Variants in GPR176 observed in about 807,000 individuals in gnomAD.
GPR176 encodes the protein G-protein coupled receptor 176.
In GPR176, 26 loss-of-function variants were observed where a neutral mutation model predicts 35.4. The ratio of observed to expected loss-of-function variants is 0.74; its 90% CI spans 0.54 to 1.02. GPR176 has a LOEUF of 1.02. GPR176 is among the 50% of genes least tolerant of loss of function. GPR176 has a pLI of 0.00. For synonymous variants in GPR176, 278 were observed against 271.3 expected (o/e 1.02, Z -0.24); for missense variants, 597 against 665.3 (o/e 0.90, Z 1.13).
intron 1 of GPR176, among the ~76,000 whole-genome samples, chr15:39,914,043 C>A (rs916359120): frequency 1.3e-5 from 2 of 152,070 alleles, no homozygotes; most frequent in African/African-American, 4.8e-5. Context: ...GAGACTCAGT[C>A]TCAAAAAACA....
chr15:39,879,774 A>G (rs1034236416), intron 1 of GPR176, among the ~76,000 whole-genome samples: 2 of 152,116 alleles, frequency 1.3e-5, no homozygotes, highest in Admixed American at 1.3e-4. Context: ...CTATTTGTAC[A>G]TCTAACACAC....
intron 1 of GPR176, among the ~76,000 whole-genome samples, chr15:39,841,509 T>C (rs936554778): frequency 6.6e-6 from 1 of 152,020 alleles, no homozygotes. Context: ...ACAGGGAAGA[T>C]GACAGGAAGA....
chr15:39,821,730 C>T (rs1347739709), intron 1 of GPR176, among the ~76,000 whole-genome samples: 1 of 152,192 alleles, frequency 6.6e-6, no homozygotes, highest in Non-Finnish European at 1.5e-5. Context: ...GTTATCTACA[C>T]CTTCCTTGTT....
At chr15:39,881,274 A>G (rs866645764) in intron 1 of GPR176, among the ~76,000 whole-genome samples, 1 of 152,228 alleles carries the variant, frequency 6.6e-6, no homozygotes, top group Non-Finnish European at 1.5e-5. Context: ...AGTCATCTTT[A>G]TATCTCCAGC....
At chr15:39,876,525 A>G (rs910619575) in intron 1 of GPR176, among the ~76,000 whole-genome samples, 1 of 151,966 alleles carries the variant, frequency 6.6e-6, no homozygotes, top group Non-Finnish European at 1.5e-5. Context: ...ATATAATGTT[A>G]ATGATGTTGA....
chr15:39,823,621 T>C (rs1166659439), intron 1 of GPR176, among the ~76,000 whole-genome samples: 1 of 152,076 alleles, frequency 6.6e-6, no homozygotes, highest in Non-Finnish European at 1.5e-5. Flanking sequence ...TAACACATTC[T>C]CCACACCACA....
At chr15:39,811,327 C>A (rs1357493848) in intron 1 of GPR176, among the ~76,000 whole-genome samples, 3 of 152,104 alleles carry the variant, frequency 2.0e-5, no homozygotes, top group Admixed American at 1.3e-4. Flanking sequence ...CTCTACCCAG[C>A]TAGAACATTT....
At chr15:39,869,355 A>C (rs565330545) in intron 1 of GPR176, among the ~76,000 whole-genome samples, 1 of 152,222 alleles carries the variant, frequency 6.6e-6, no homozygotes, top group African/African-American at 2.4e-5. Context: ...GGAGTCCCAG[A>C]CACAGCAGTT....
At chr15:39,832,469 T>G (rs1247371098) in intron 1 of GPR176, among the ~76,000 whole-genome samples, 1 of 152,104 alleles carries the variant, frequency 6.6e-6, no homozygotes, top group Non-Finnish European at 1.5e-5. Flanking sequence ...CTCCAAAGGC[T>G]ATAATCAAGG....
chr15:39,818,617 T>A (rs1257723103), intron 1 of GPR176, among the ~76,000 whole-genome samples: 1 of 152,200 alleles, frequency 6.6e-6, no homozygotes, highest in East Asian at 1.9e-4. Context: ...AATGCGCATA[T>A]CTTTTAGCAA....
At chr15:39,822,775 T>C (rs543065296) in intron 1 of GPR176, among the ~76,000 whole-genome samples, 21 of 152,288 alleles carry the variant, frequency 1.4e-4, no homozygotes, top group African/African-American at 5.1e-4. Context: ...TTTCCATCAG[T>C]AAAATTAATG....
intron 1 of GPR176, among the ~76,000 whole-genome samples, chr15:39,868,283 T>C (rs892862551): frequency 6.6e-6 from 1 of 152,098 alleles, no homozygotes; most frequent in Non-Finnish European, 1.5e-5. Flanking sequence ...TGACTGATGG[T>C]CAGGAGCAAT....
Position 39,801,173 on chromosome 15 carries a change from T to C in GPR176, c.1507A>G (p.Arg503Gly), listed in dbSNP as rs1419222148. ...GGAAAAATGCTCACTTTATTGTTTCTGCTCATCTTCCGCTCCACCCTGCCT... is the reference window on the plus strand; with the variant it reads ...GGAAAAATGCTCACTTTATTGTTTCCGCTCATCTTCCGCTCCACCCTGCCT... ...KVGRVERKMS[R>G]NNKVSIFPKV... is the part of the protein sequence containing the mutation. Residue 503 changes from arginine to glycine, a missense_variant, in exon 3 of 3, where the codon AGA becomes GGA. Coordinates refer to ENST00000561100, the MANE Select transcript of GPR176 (RefSeq NM_007223.3). The C allele has an allele frequency of 6.2e-7, 1 of 1,612,332 alleles. No individual in the cohort carries two copies. Among genetic ancestry groups the C allele is most frequent in the Admixed American group, 1.7e-5 (1 of 59,790 alleles).
intron 1 of GPR176, among the ~76,000 whole-genome samples, chr15:39,845,474 C>T (rs569943536): frequency 4.4e-4 from 66 of 151,456 alleles, no homozygotes; most frequent in Non-Finnish European, 7.5e-4. Context: ...TACTAGATAA[C>T]CTTAAGTGGC....
chr15:39,899,315 C>A (rs776489822), intron 1 of GPR176, among the ~76,000 whole-genome samples: 4 of 152,218 alleles, frequency 2.6e-5, no homozygotes, highest in African/African-American at 4.8e-5. Context: ...AAGGGAATCA[C>A]TATCCCTCCC....
chr15:39,805,938 A>C (rs535550635), intron 2 of GPR176, among the ~76,000 whole-genome samples: 1 of 152,320 alleles, frequency 6.6e-6, no homozygotes, highest in South Asian at 2.1e-4. Flanking sequence ...TCCAACATCC[A>C]TTCTCTTAAC....
At position 39,880,570 on chromosome 15, in the gene GPR176, T is replaced by C. The variant is rs542239413; in HGVS notation, c.172+39285A>G. 3.9e-5 allele frequency among the ~76,000 whole-genome samples: 6 copies of C among 152,320 alleles called. No individual in the cohort carries two copies. In the East Asian group the frequency reaches 9.6e-4, roughly 24 times the overall value. ...TATTTCACAGGTGCCTCAAAGTCAA[T>C]TTGTACCAAACTTAATACCTAATGC... is the stretch of plus-strand genomic sequence containing the variant. On this transcript the variant is annotated intron_variant, in intron 1 of 2. Coordinates refer to ENST00000561100, the MANE Select transcript of GPR176 (RefSeq NM_007223.3).
intron 1 of GPR176, among the ~76,000 whole-genome samples, chr15:39,913,748 T>TA (rs1357430372): frequency 6.6e-6 from 1 of 152,124 alleles, no homozygotes; most frequent in Non-Finnish European, 1.5e-5. Flanking sequence ...GTGAATATGC[T>TA]AAAAAACCAT....
At chr15:39,878,290 C>T (rs1262358924) in intron 1 of GPR176, among the ~76,000 whole-genome samples, 1 of 152,154 alleles carries the variant, frequency 6.6e-6, no homozygotes, top group South Asian at 2.1e-4. Context: ...ATTTCTCCCA[C>T]CCCTGACAGC....
Sources: allele counts gnomAD v4.1 joint callset (sites outside exome capture counted in the v4.1 genomes callset), GRCh38; gene constraint gnomAD v4.1.1; transcripts MANE v1.5; gene names NCBI Gene and HGNC (gene_info 2026-07-23, HGNC 2026-07-21).